The following CBX1 variants were observed in gnomAD, a reference collection of about 807,000 sequenced individuals.
CBX1 encodes chromobox 1.
Under a neutral mutation model 25.1 loss-of-function variants are expected in CBX1, and 10 were observed. That is an observed-to-expected ratio of 0.40 (90% confidence interval 0.25 to 0.68). The LOEUF (loss-of-function observed/expected upper bound fraction) is 0.68. Ranked by LOEUF, CBX1 falls within the 30% of genes least tolerant of loss-of-function variation. The pLI is 0.40. For synonymous variants in CBX1, 63 were observed against 79.4 expected (o/e 0.79, Z 1.10); for missense variants, 106 against 218.5 (o/e 0.49, Z 3.25).
At chr17:48,090,178 A>G (rs1380419372) in intron 1 of CBX1, among the ~76,000 whole-genome samples, 1 of 152,096 alleles carries the variant, frequency 6.6e-6, no homozygotes, top group Non-Finnish European at 1.5e-5. Context: ...CTGGGATTAC[A>G]GGCACGAGTC....
intron 1 of CBX1, among the ~76,000 whole-genome samples, chr17:48,094,947 T>C (rs1045242005): frequency 4.7e-5 from 7 of 149,788 alleles, no homozygotes; most frequent in African/African-American, 9.9e-5. Flanking sequence ...CTTGGGAGGG[T>C]GGGGCACAAG....
chr17:48,082,501 C>CAAA (rs572999255), intron 1 of CBX1, among the ~76,000 whole-genome samples: 30 of 53,694 alleles, frequency 5.6e-4, no homozygotes, highest in South Asian at 2.7e-3. Context: ...GACTCCATCT[C>CAAA]AAAAAAAAAA....
chr17:48,072,154 C>A (rs1162945857), intron 4 of CBX1, among the ~76,000 whole-genome samples: 3 of 151,948 alleles, frequency 2.0e-5, no homozygotes, highest in Admixed American at 1.3e-4. Flanking sequence ...TGCGCCACCA[C>A]ACCCAGCTAA....
Position 48,070,890 on chromosome 17 carries a change from C to G in CBX1, c.*545G>C, listed in dbSNP as rs1002027655. On this transcript the variant is annotated 3_prime_UTR_variant, in exon 5 of 5. Coordinates refer to ENST00000225603, the MANE Select transcript of CBX1 (RefSeq NM_001127228.2). Reference sequence around the variant, plus strand: ...AAATATTCTGGACATAGAAGCAAATCATTAGTTGTCTGTTCTTTTCCATTG... The same window carrying G: ...AAATATTCTGGACATAGAAGCAAATGATTAGTTGTCTGTTCTTTTCCATTG... 1 of 152,628 alleles carries G rather than the reference C, an allele frequency of 6.6e-6. No individual in the cohort carries two copies. The highest frequency in any genetic ancestry group is 2.4e-5 in the African/African-American group (1 of 41,440). 9.5% of individuals were successfully genotyped at this position (152,628 alleles called of 1,614,324 possible).
chr17:48,087,644 C>A (rs951875619), intron 1 of CBX1, among the ~76,000 whole-genome samples: 2 of 151,920 alleles, frequency 1.3e-5, no homozygotes, highest in Non-Finnish European at 2.9e-5. Flanking sequence ...GAGGTCAAGG[C>A]AGGCAGATCA....
At chr17:48,092,950 A>G (rs911808320) in intron 1 of CBX1, among the ~76,000 whole-genome samples, 1 of 151,764 alleles carries the variant, frequency 6.6e-6, no homozygotes, top group Non-Finnish European at 1.5e-5. Flanking sequence ...CATGCCTGTA[A>G]TCCCAGCTAC....
chr17:48,077,092 T>A, intron 1 of CBX1, 51 bp from the exon 2 acceptor site: 3 of 1,420,042 alleles, frequency 2.1e-6, no homozygotes, highest in Non-Finnish European at 2.9e-6. Flanking sequence ...TCTTATTGGT[T>A]AGATAATATC....
At chr17:48,085,571 A>G (rs1197988585) in intron 1 of CBX1, among the ~76,000 whole-genome samples, 4 of 152,068 alleles carry the variant, frequency 2.6e-5, no homozygotes, top group Non-Finnish European at 5.9e-5. Flanking sequence ...TAAAAAAAAA[A>G]AAACAATGAT....
intron 1 of CBX1, among the ~76,000 whole-genome samples, chr17:48,089,951 G>A (rs1193052347): frequency 6.6e-6 from 1 of 150,612 alleles, no homozygotes. Context: ...GATGGAGTCT[G>A]GCTCTGTCAC....
At chr17:48,097,242 G>A (rs111339119) in intron 1 of CBX1, among the ~76,000 whole-genome samples, 4,790 of 145,646 alleles carry the variant, frequency 0.033, 89 homozygotes, top group South Asian at 0.061. Context: ...CAACAAGAGC[G>A]AAACTCCGTC....
chr17:48,091,954 C>G (rs2063346093), intron 1 of CBX1, among the ~76,000 whole-genome samples: 1 of 147,990 alleles, frequency 6.8e-6, no homozygotes, highest in African/African-American at 2.5e-5. Flanking sequence ...ACTCAGGTTA[C>G]AGGCGTGAGC....
Position 48,076,894 on chromosome 17 carries a change from C to G in CBX1, c.111G>C (p.Glu37Asp), listed in dbSNP as rs1474976282. Reference sequence around the variant, plus strand: ...AGAATCCCTTCCACTTTAGGAGGTACTCCACTTTGCCCTTTACCACTCGAC... The same window carrying G: ...AGAATCCCTTCCACTTTAGGAGGTAGTCCACTTTGCCCTTTACCACTCGAC... ...LDRRVVKGKV[E>D]YLLKWKGFSD... Residue 37 changes from glutamate (E) to aspartate (D), a missense_variant, in exon 2 of 5, where the codon GAG (glutamate) becomes GAC (aspartate). Coordinates refer to ENST00000225603, the MANE Select transcript of CBX1 (RefSeq NM_001127228.2). The G allele has an allele frequency of 1.2e-6, 2 of 1,612,594 alleles. No individual in the cohort carries two copies. The highest frequency in any genetic ancestry group is 2.7e-5 in the African/African-American group (2 of 74,848).
intron 1 of CBX1, among the ~76,000 whole-genome samples, chr17:48,090,511 C>T (rs1375451648): frequency 6.6e-6 from 1 of 152,056 alleles, no homozygotes; most frequent in African/African-American, 2.4e-5. Flanking sequence ...ATACTTTTTT[C>T]CAGCCCCACT....
chr17:48,081,164 C>T (rs1472585302), intron 1 of CBX1, among the ~76,000 whole-genome samples: 1 of 151,246 alleles, frequency 6.6e-6, no homozygotes, highest in Admixed American at 6.6e-5. Flanking sequence ...AAGCGATCCA[C>T]CTGCCTTGAC....
At chr17:48,085,573 A>AT (rs1491325417) in intron 1 of CBX1, among the ~76,000 whole-genome samples, 1 of 152,016 alleles carries the variant, frequency 6.6e-6, no homozygotes, top group Non-Finnish European at 1.5e-5. Context: ...AAAAAAAAAA[A>AT]ACAATGATTT....
chr17:48,089,102 CTT>C (rs71366828), intron 1 of CBX1, among the ~76,000 whole-genome samples: 44 of 137,026 alleles, frequency 3.2e-4, no homozygotes, highest in African/African-American at 3.2e-4. Flanking sequence ...GCATCTGCAT[CTT>C]TTTTTTTTTT....
At chr17:48,098,507 C>A (rs1394590036) in intron 1 of CBX1, among the ~76,000 whole-genome samples, 1 of 151,960 alleles carries the variant, frequency 6.6e-6, no homozygotes, top group African/African-American at 2.4e-5. Context: ...TTTCATTTTT[C>A]TTTTTTTGAG....
chr17:48,094,619 A>G (rs1172883049), intron 1 of CBX1, among the ~76,000 whole-genome samples: 1 of 151,330 alleles, frequency 6.6e-6, no homozygotes, highest in Non-Finnish European at 1.5e-5. Flanking sequence ...AGTCCCAGCT[A>G]CTCAAGAAGC....
intron 1 of CBX1, among the ~76,000 whole-genome samples, chr17:48,091,476 C>A (rs967075852): frequency 6.6e-6 from 1 of 150,884 alleles, no homozygotes; most frequent in African/African-American, 2.4e-5. Flanking sequence ...TGGGGTTCAA[C>A]CGATTCTCCT....
Sources: allele counts gnomAD v4.1 joint callset (sites outside exome capture counted in the v4.1 genomes callset), GRCh38; gene constraint gnomAD v4.1.1; transcripts MANE v1.5; gene names NCBI Gene and HGNC (gene_info 2026-07-23, HGNC 2026-07-21).